RBFOX1: variants seen among roughly 807,000 people sequenced by gnomAD.
RBFOX1 encodes RNA binding protein fox-1 homolog 1.
RBFOX1 carries 8 observed loss-of-function variants against 57.7 expected under a neutral mutation model. The observed-to-expected ratio is 0.14, with a 90% CI of 0.08 to 0.25. The LOEUF (loss-of-function observed/expected upper bound fraction) is 0.25. RBFOX1 is among the 10% of genes least tolerant of loss of function. The pLI is 1.00. For synonymous variants in RBFOX1, 326 were observed against 222.4 expected (o/e 1.47, Z -4.15); for missense variants, 611 against 548.5 (o/e 1.11, Z -1.14).
At chr16:6,925,490 C>G (rs948476460) in intron 3 of RBFOX1, among the ~76,000 whole-genome samples, 3 of 146,110 alleles carry the variant, frequency 2.1e-5, no homozygotes, top group African/African-American at 5.3e-5. Flanking sequence ...ATTGTCCTAT[C>G]CACCCTATTC....
chr16:5,836,532 C>G (rs540660976), intron 3 of RBFOX1, among the ~76,000 whole-genome samples: 25 of 152,332 alleles, frequency 1.6e-4, no homozygotes, highest in African/African-American at 5.5e-4. Flanking sequence ...TATTCTCTGC[C>G]CTTCACGTCC....
chr16:5,660,361 T>G (rs1002514619), intron 3 of RBFOX1, among the ~76,000 whole-genome samples: 2 of 152,204 alleles, frequency 1.3e-5, no homozygotes, highest in Non-Finnish European at 2.9e-5. Flanking sequence ...GCTTAGCTGG[T>G]AGAGTCCGGT....
At chr16:6,582,785 TCCCTC>T (rs1414657041) in intron 2 of RBFOX1, among the ~76,000 whole-genome samples, 1 of 150,790 alleles carries the variant, frequency 6.6e-6, no homozygotes, top group Non-Finnish European at 1.5e-5. Flanking sequence ...CTCTTTCCCT[TCCCTC>T]CCCTTTCCTA....
chr16:6,539,140 A>G (rs1440464093), intron 2 of RBFOX1, among the ~76,000 whole-genome samples: 1 of 152,020 alleles, frequency 6.6e-6, no homozygotes, highest in South Asian at 2.1e-4. Flanking sequence ...AAAAAAGAAA[A>G]TTTGCCCATG....
chr16:6,490,033 G>A (rs2095596487), intron 2 of RBFOX1, among the ~76,000 whole-genome samples: 1 of 152,202 alleles, frequency 6.6e-6, no homozygotes. Context: ...TCCATGCCAG[G>A]TGGGTGATGG....
intron 3 of RBFOX1, among the ~76,000 whole-genome samples, chr16:6,886,653 G>T (rs1275520015): frequency 6.6e-6 from 1 of 151,878 alleles, no homozygotes; most frequent in Non-Finnish European, 1.5e-5. Context: ...TGCTCAGGAG[G>T]CTGAGGCACA....
intron 1 of RBFOX1, among the ~76,000 whole-genome samples, chr16:5,263,032 C>T (rs577654488): frequency 6.6e-6 from 1 of 151,900 alleles, no homozygotes; most frequent in Admixed American, 6.6e-5. Context: ...AATCTTTGGG[C>T]TCCACTGAAG....
rs2067883223 is a variant in RBFOX1, at chr16:6,728,932, C to T, written c.-16+74282C>T. 3.3e-5 allele frequency among the ~76,000 whole-genome samples: 5 copies of T among 152,218 alleles called. No individual in the cohort carries two copies. The South Asian group carries it at 8.3e-4, about 25-fold the overall frequency. ...GTATACATATGCATACATACGCACA[C>T]GTATATTTGTATACATACACACACT... On this transcript the variant is annotated intron_variant, in intron 3 of 15. Transcript: ENST00000550418.
chr16:5,680,880 A>G (rs910289610), intron 3 of RBFOX1, among the ~76,000 whole-genome samples: 4 of 145,538 alleles, frequency 2.7e-5, no homozygotes, highest in African/African-American at 5.1e-5. Context: ...TCCTTGCCCT[A>G]TAGAGCTTGT....
At position 5,648,748 on chromosome 16, in the gene RBFOX1, C is replaced by G. The variant is rs1311807989; in HGVS notation, c.318+49787C>G. On this transcript the variant is annotated intron_variant, in intron 3 of 19. Transcript: ENST00000641259. ...TTAGTTTTCCTTGTGTCTACCTCCT[C>G]TTTTTATTTGCATATTTTAAAAATC... 2.0e-5 allele frequency among the ~76,000 whole-genome samples: 3 copies of G among 152,258 alleles called. 1 individual carries two copies. The Middle Eastern group carries it at 0.01, about 518-fold the overall frequency.
At chr16:6,439,604 T>G (rs1001566465) in intron 2 of RBFOX1, among the ~76,000 whole-genome samples, 22 of 152,182 alleles carry the variant, frequency 1.4e-4, no homozygotes, top group Non-Finnish European at 2.8e-4. Flanking sequence ...CCCTTCCTGA[T>G]TTCTTGACAA....
intron 3 of RBFOX1, among the ~76,000 whole-genome samples, chr16:5,735,569 T>C (rs181537917): frequency 2.0e-5 from 3 of 152,284 alleles, no homozygotes; most frequent in South Asian, 2.1e-4. Context: ...CATTACCTAA[T>C]AGAGTAGAAG....
intron 4 of RBFOX1, among the ~76,000 whole-genome samples, chr16:7,334,839 C>G (rs1267434710): frequency 2.6e-5 from 4 of 152,178 alleles, no homozygotes; most frequent in Non-Finnish European, 5.9e-5. Flanking sequence ...TTGGAAAGAA[C>G]AAGTGGTCTT....
chr16:6,827,076 C>T (rs1018888730), intron 3 of RBFOX1, among the ~76,000 whole-genome samples: 1 of 152,142 alleles, frequency 6.6e-6, no homozygotes, highest in African/African-American at 2.4e-5. Flanking sequence ...GTGAAGATTT[C>T]TTTGCACATA....
chr16:5,504,430 T>C (rs1312224786), intron 2 of RBFOX1, among the ~76,000 whole-genome samples: 1 of 152,238 alleles, frequency 6.6e-6, no homozygotes, highest in African/African-American at 2.4e-5. Flanking sequence ...AGAAGCAGTT[T>C]CCTGCAGTAG....
At chr16:5,496,209 C>G (rs1324568814) in intron 2 of RBFOX1, among the ~76,000 whole-genome samples, 1 of 152,192 alleles carries the variant, frequency 6.6e-6, no homozygotes, top group East Asian at 1.9e-4. Context: ...GAGTGCACCT[C>G]CAATCCCTTT....
chr16:7,383,934 G>A (rs1250980413), intron 4 of RBFOX1, among the ~76,000 whole-genome samples: 1 of 151,834 alleles, frequency 6.6e-6, no homozygotes, highest in East Asian at 1.9e-4. Flanking sequence ...TGTGCCTGTA[G>A]TCCCAGCTAC....
At chr16:6,963,072 C>G (rs929943770) in intron 3 of RBFOX1, among the ~76,000 whole-genome samples, 14 of 152,072 alleles carry the variant, frequency 9.2e-5, no homozygotes, top group African/African-American at 2.9e-4. Context: ...GTCAAATGCT[C>G]CAGGCCCACC....
At chr16:6,039,298 G>C (rs927102961) in intron 1 of RBFOX1, among the ~76,000 whole-genome samples, 1 of 146,696 alleles carries the variant, frequency 6.8e-6, no homozygotes, top group African/African-American at 2.6e-5. Flanking sequence ...AGTTGGATTG[G>C]AATTTGGCAC....
Sources: allele counts gnomAD v4.1 joint callset (sites outside exome capture counted in the v4.1 genomes callset), GRCh38; gene constraint gnomAD v4.1.1; transcripts MANE v1.5; gene names NCBI Gene and HGNC (gene_info 2026-07-23, HGNC 2026-07-21).